The following TMEM232 variants were observed in gnomAD, a reference collection of about 807,000 sequenced individuals.
The protein encoded by TMEM232 is transmembrane protein 232.
A neutral mutation model predicts 78.8 loss-of-function variants in TMEM232; 80 were observed. That is an observed-to-expected ratio of 1.01 (90% confidence interval 0.85 to 1.22). The LOEUF is 1.22. TMEM232 is among the 50% of genes most tolerant of loss of function. The pLI is 0.00. For missense variants in TMEM232, 881 were observed against 742.2 expected (o/e 1.19, Z -2.17); for synonymous variants, 297 against 254.3 (o/e 1.17, Z -1.60).
chr5:110,389,043 C>G (rs1755084365), intron 4 of TMEM232, among the ~76,000 whole-genome samples: 1 of 152,072 alleles, frequency 6.6e-6, no homozygotes, highest in African/African-American at 2.4e-5. Context: ...GGTGGATCAT[C>G]TGAAGTTAGG....
chr5:110,483,980 T>C (rs1437900514), intron 12 of TMEM232, among the ~76,000 whole-genome samples: 1 of 152,170 alleles, frequency 6.6e-6, no homozygotes, highest in East Asian at 1.9e-4. Context: ...TATGCAACTA[T>C]AATAAGGAAC....
chr5:110,643,382 G>C (rs1325307329), intron 2 of TMEM232, among the ~76,000 whole-genome samples: 2 of 152,032 alleles, frequency 1.3e-5, no homozygotes, highest in Non-Finnish European at 2.9e-5. Context: ...CATCAGCATA[G>C]ATATGGAATT....
chr5:110,712,339 A>G (rs1796573981), intron 1 of TMEM232, among the ~76,000 whole-genome samples: 1 of 152,098 alleles, frequency 6.6e-6, no homozygotes, highest in South Asian at 2.1e-4. Flanking sequence ...GTTGCCAACT[A>G]TCCATCTGAC....
intron 12 of TMEM232, among the ~76,000 whole-genome samples, chr5:110,526,272 TA>T (rs747200050): frequency 1.7e-4 from 25 of 144,482 alleles, no homozygotes; most frequent in African/African-American, 1.8e-4. Context: ...TAAGCAAAAT[TA>T]AAAAAAAAAG....
chr5:110,445,713 G>A (rs1759573675), intron 12 of TMEM232, among the ~76,000 whole-genome samples: 1 of 152,118 alleles, frequency 6.6e-6, no homozygotes, highest in South Asian at 2.1e-4. Flanking sequence ...TCAACTATGG[G>A]AAGAGTCACT....
At chr5:110,674,624 T>C (rs919225298) in intron 1 of TMEM232, among the ~76,000 whole-genome samples, 3 of 152,214 alleles carry the variant, frequency 2.0e-5, no homozygotes, top group Non-Finnish European at 4.4e-5. Context: ...TACTAATATT[T>C]CATCTGTTGG....
chr5:110,622,752 C>T (rs898425039), intron 7 of TMEM232, among the ~76,000 whole-genome samples: 7 of 150,802 alleles, frequency 4.6e-5, no homozygotes, highest in African/African-American at 1.7e-4. Flanking sequence ...TTCTAGATCC[C>T]TGAGGAATTG....
At chr5:110,508,903 TAA>T (rs1289699606) in intron 12 of TMEM232, among the ~76,000 whole-genome samples, 7 of 142,458 alleles carry the variant, frequency 4.9e-5, no homozygotes, top group African/African-American at 7.6e-5. Context: ...TGTATATATA[TAA>T]AATTATATAT....
chr5:110,617,440 T>C (rs1458947704), intron 8 of TMEM232, among the ~76,000 whole-genome samples: 1 of 152,110 alleles, frequency 6.6e-6, no homozygotes, highest in African/African-American at 2.4e-5. Flanking sequence ...CACCAAAAAA[T>C]GATAAGGATG....
At chr5:110,721,060 A>G (rs1009158268) in intron 1 of TMEM232, among the ~76,000 whole-genome samples, 8 of 152,156 alleles carry the variant, frequency 5.3e-5, no homozygotes, top group Non-Finnish European at 8.8e-5. Context: ...GCCACAATTT[A>G]CTGCTTAAAA....
At chr5:110,627,992 TA>T in intron 5 of TMEM232, 112 bp from the exon 6 acceptor site, 3 of 759,392 alleles carry the variant, frequency 4.0e-6, no homozygotes, top group Middle Eastern at 2.9e-4. Flanking sequence ...AAAACAATTT[TA>T]AACTCACTCA....
At chr5:110,623,270 T>C (rs149174296) in intron 7 of TMEM232, among the ~76,000 whole-genome samples, 1 of 152,108 alleles carries the variant, frequency 6.6e-6, no homozygotes, top group Non-Finnish European at 1.5e-5. Flanking sequence ...TAATATCCTA[T>C]AAAACTTTCA....
chr5:110,618,541 G>T lies in TMEM232; in HGVS notation c.790C>A (p.Leu264Met). 1.3e-6 allele frequency: 2 copies of T among 1,548,990 alleles called. No individual in the cohort carries two copies. Among genetic ancestry groups the T allele is most frequent in the African/African-American group, 2.7e-5 (2 of 72,982 alleles). The change falls in exon 8 of 14, where the codon CTG (leucine) becomes ATG (methionine). Residue 264 changes from leucine (L) to methionine (M), a missense_variant. Physicochemically the swap from Leu to Met is conservative, Grantham distance 15. Coordinates refer to ENST00000455884, the MANE Select transcript of TMEM232 (RefSeq NM_001039763.4). ...SDMGGYEINHLLWHCVAAWSC... is the reference protein window; with the variant it reads ...SDMGGYEINHMLWHCVAAWSC... ...CAAGCAGCAACACAGTGCCAGAGCA[G>T]GTGGTTAATTTCATATCCTCCCTGA...
chr5:110,666,002 A>G (rs1027070770), intron 2 of TMEM232, among the ~76,000 whole-genome samples: 1 of 152,024 alleles, frequency 6.6e-6, no homozygotes, highest in Non-Finnish European at 1.5e-5. Context: ...CCAGGATTAT[A>G]GTAAGCTATA....
chr5:110,396,498 C>A (rs1270268693), intron 3 of TMEM232, among the ~76,000 whole-genome samples: 1 of 152,178 alleles, frequency 6.6e-6, no homozygotes, highest in African/African-American at 2.4e-5. Context: ...GTGATGAAGA[C>A]ATGGCATAGA....
At chr5:110,536,714 T>C (rs562178141) in intron 11 of TMEM232, among the ~76,000 whole-genome samples, 35 of 152,098 alleles carry the variant, frequency 2.3e-4, no homozygotes, top group African/African-American at 7.7e-4. Context: ...ATAAAGAAAA[T>C]AGATGACTGG....
Position 110,568,604 on chromosome 5 carries a change from C to A in TMEM232, c.1298G>T (p.Gly433Val). The change falls in exon 11 of 14, where the codon GGT becomes GTT. Residue 433 changes from glycine to valine, a missense_variant. Physicochemically the swap from Gly to Val is moderately radical, Grantham distance 109 (BLOSUM62 -3). Transcript: ENST00000455884. ...CAGGTTATACACTAAGCCATAGTAA[C>A]CAGTCCAGACTACTTGATCACCTGT... ...SENCDQVVWT[G>V]YYGLVYNLVK... The A allele has an allele frequency of 5.2e-6, 8 of 1,547,384 alleles. No individual in the cohort carries two copies. The highest frequency in any genetic ancestry group is 7.0e-6 in the Non-Finnish European group (8 of 1,145,224).
At chr5:110,662,946 G>A (rs1328622572) in intron 2 of TMEM232, among the ~76,000 whole-genome samples, 1 of 151,964 alleles carries the variant, frequency 6.6e-6, no homozygotes, top group Non-Finnish European at 1.5e-5. Flanking sequence ...CAAAAAAAAG[G>A]CTAATCATAA....
intron 2 of TMEM232, among the ~76,000 whole-genome samples, chr5:110,646,998 AAT>A (rs1787590190): frequency 6.6e-6 from 1 of 151,770 alleles, no homozygotes; most frequent in African/African-American, 2.4e-5. Flanking sequence ...AATTTAAAAA[AAT>A]ATATTACTAT....
Sources: allele counts gnomAD v4.1 joint callset (sites outside exome capture counted in the v4.1 genomes callset), GRCh38; gene constraint gnomAD v4.1.1; transcripts MANE v1.5; gene names NCBI Gene and HGNC (gene_info 2026-07-23, HGNC 2026-07-21).